The following DENND5B variants were observed in gnomAD, a reference collection of about 807,000 sequenced individuals.
DENND5B encodes DENN domain containing 5B.
DENND5B carries 34 observed loss-of-function variants against 140.6 expected under a neutral mutation model. The observed-to-expected ratio is 0.24, with a 90% confidence interval of 0.18 to 0.32. The LOEUF (loss-of-function observed/expected upper bound fraction) is 0.32, where lower values mean the gene tolerates loss of function less well. DENND5B is among the 10% of genes least tolerant of loss of function. The pLI is 1.00. For synonymous variants in DENND5B, 551 were observed against 562.1 expected, an observed-to-expected ratio of 0.98 and a Z score of 0.28; for missense variants, 1,142 against 1,560.2, an observed-to-expected ratio of 0.73 and a Z score of 4.52.
At chr12:31,569,211 C>T (rs1949731893) in intron 1 of DENND5B, among the ~76,000 whole-genome samples, 1 of 151,808 alleles carries the variant, frequency 6.6e-6, no homozygotes, top group South Asian at 2.1e-4. Context: ...GGACCACAGG[C>T]GCATACTGCC....
intron 3 of DENND5B, among the ~76,000 whole-genome samples, chr12:31,461,168 C>T (rs1332736065): frequency 6.6e-6 from 1 of 152,162 alleles, no homozygotes; most frequent in Non-Finnish European, 1.5e-5. Flanking sequence ...CAACCTCCAT[C>T]AGAGGCTTTT....
intron 9 of DENND5B, among the ~76,000 whole-genome samples, chr12:31,425,005 A>G (rs1943172406): frequency 1.3e-5 from 2 of 152,204 alleles, no homozygotes; most frequent in African/African-American, 4.8e-5. Context: ...GGGGAATTAC[A>G]GCAGACTTAG....
chr12:31,492,860 C>G (rs187022665), intron 2 of DENND5B, among the ~76,000 whole-genome samples: 10 of 152,124 alleles, frequency 6.6e-5, no homozygotes, highest in Non-Finnish European at 1.5e-4. Context: ...CCAAAGATGA[C>G]GCTAGGCATC....
At chr12:31,572,172 C>T (rs573340922) in intron 1 of DENND5B, among the ~76,000 whole-genome samples, 1 of 151,430 alleles carries the variant, frequency 6.6e-6, no homozygotes, top group African/African-American at 2.4e-5. Flanking sequence ...TGTGGTGAGC[C>T]GAGATCACAA....
In DENND5B at chr12:31,480,147, C is replaced by G. The variant is rs1161336982; in HGVS notation, c.346G>C (p.Val116Leu). The G allele has an allele frequency of 1.9e-6, 3 of 1,609,566 alleles. No individual in the cohort carries two copies. The highest frequency in any genetic ancestry group is 2.5e-6 in the Non-Finnish European group (3 of 1,177,778). Residue 116 changes from valine (V) to leucine (L), a missense_variant, in exon 3 of 21, where the codon GTT (valine) becomes CTT (leucine). By Grantham distance (32) the Val-to-Leu change is conservative (BLOSUM62 1). Transcript: ENST00000389082. The part of the protein sequence containing the change: ...REDGSRTYGF[V>L]LTFYEEVTSK... ...GTAACTTCTTCATAAAAAGTGAGAA[C>G]AAAACCATAGGTGCGAGAACCATCT... is the stretch of plus-strand genomic sequence containing the variant.
At chr12:31,399,524 C>A in intron 16 of DENND5B, 130 bp downstream of exon 16, 1 of 631,640 alleles carries the variant, frequency 1.6e-6, no homozygotes, top group Non-Finnish European at 2.7e-6. Context: ...GGTGATCCAC[C>A]CGCCTTGGCC....
intron 1 of DENND5B, among the ~76,000 whole-genome samples, chr12:31,556,273 C>T (rs905324367): frequency 3.6e-4 from 55 of 152,278 alleles, no homozygotes; most frequent in Middle Eastern, 3.4e-3. Flanking sequence ...AGCATGACCT[C>T]GGCTCACTGC....
chr12:31,433,661 A>G (rs935538904), intron 7 of DENND5B, among the ~76,000 whole-genome samples: 1 of 152,218 alleles, frequency 6.6e-6, no homozygotes, highest in African/African-American at 2.4e-5. Flanking sequence ...CTCAAAACCC[A>G]TAATTTAGAA....
At position 31,500,169 on chromosome 12, in the gene DENND5B, T is replaced by C. The variant is rs146943455; in HGVS notation, c.128-4250A>G. Among the ~76,000 whole-genome samples the C allele has an allele frequency of 4.6e-5, 7 of 152,360 alleles. No individual in the cohort carries two copies. In the East Asian group the frequency reaches 1.3e-3, roughly 29 times the overall value. ...AAAAAGTTCAAATTTTGGAGCATTT[T>C]AGATCTCGGATTTTTGGATTAGGAA... On this transcript the variant is annotated intron_variant, in intron 1 of 20. Coordinates refer to ENST00000389082, the MANE Select transcript of DENND5B (RefSeq NM_144973.4).
chr12:31,451,333 A>G (rs538177918), intron 5 of DENND5B, among the ~76,000 whole-genome samples: 2 of 151,648 alleles, frequency 1.3e-5, no homozygotes, highest in Non-Finnish European at 2.9e-5. Context: ...TTATTTATTT[A>G]TTTTTTTTGA....
intron 1 of DENND5B, among the ~76,000 whole-genome samples, chr12:31,519,035 G>A (rs1156736413): frequency 6.6e-6 from 1 of 152,158 alleles, no homozygotes; most frequent in Non-Finnish European, 1.5e-5. Flanking sequence ...AAAATCTATG[G>A]GAAGACTTTT....
intron 1 of DENND5B, among the ~76,000 whole-genome samples, chr12:31,545,950 C>CAAAAAAAAAAAAAAAAAAAAAAAAAAAAA (rs57460264): frequency 2.7e-5 from 1 of 36,390 alleles, no homozygotes; most frequent in Non-Finnish European, 4.4e-5. Flanking sequence ...GACACTGTCT[C>CAAAAAAAAAAAAAAAAAAAAAAAAAAAAA]AAAAAAAAAA....
chr12:31,540,589 G>C (rs1057184132), intron 1 of DENND5B, among the ~76,000 whole-genome samples: 1 of 152,004 alleles, frequency 6.6e-6, no homozygotes, highest in African/African-American at 2.4e-5. Context: ...GGGAGGCAGA[G>C]GTTGTAGTGA....
At chr12:31,467,797 CTG>C (rs1444101011) in intron 3 of DENND5B, among the ~76,000 whole-genome samples, 1 of 152,074 alleles carries the variant, frequency 6.6e-6, no homozygotes, top group Non-Finnish European at 1.5e-5. Context: ...ATAAGAGTAA[CTG>C]TTCATGTTGA....
intron 1 of DENND5B, among the ~76,000 whole-genome samples, chr12:31,504,365 C>T (rs1490760718): frequency 6.6e-6 from 1 of 152,116 alleles, no homozygotes; most frequent in Non-Finnish European, 1.5e-5. Flanking sequence ...TGTTAGAATG[C>T]CAAGAACACA....
intron 1 of DENND5B, among the ~76,000 whole-genome samples, chr12:31,536,507 T>G (rs2139129129): frequency 1.3e-5 from 2 of 152,038 alleles, no homozygotes; most frequent in East Asian, 3.9e-4. Context: ...GAAGACAGAC[T>G]ATTTGAAAAT....
At chr12:31,472,835 C>T (rs930320428) in intron 3 of DENND5B, among the ~76,000 whole-genome samples, 1 of 152,064 alleles carries the variant, frequency 6.6e-6, no homozygotes, top group African/African-American at 2.4e-5. Context: ...TTGCTGAACA[C>T]CCAAAACCTA....
chr12:31,388,723 A>G (rs548455052), intron 20 of DENND5B, among the ~76,000 whole-genome samples: 28 of 152,316 alleles, frequency 1.8e-4, no homozygotes, highest in African/African-American at 6.7e-4. Context: ...TATCGCTCCT[A>G]TGTGCCACTT....
chr12:31,522,912 G>A (rs1050268229), intron 1 of DENND5B, among the ~76,000 whole-genome samples: 1 of 152,042 alleles, frequency 6.6e-6, no homozygotes, highest in African/African-American at 2.4e-5. Context: ...TCATCCCTTA[G>A]AACAACTTTT....
Sources: gnomAD v4.1 joint callset for allele counts (sites outside exome capture counted in the v4.1 genomes callset) on GRCh38, gnomAD v4.1.1 for gene constraint, MANE v1.5 for transcripts, NCBI Gene and HGNC (gene_info 2026-07-23, HGNC 2026-07-21) for gene names.